Variants in ATP8A2 observed in about 807,000 individuals in gnomAD.
ATP8A2 encodes phospholipid-transporting ATPase IB.
A neutral mutation model predicts 165.6 loss-of-function variants in ATP8A2; 100 were observed. The ratio of observed to expected loss-of-function variants is 0.60; its 90% CI spans 0.51 to 0.71. The LOEUF is 0.71. Among genes scored for constraint, ATP8A2 ranks in the 30% least tolerant of loss-of-function variants. The pLI, the probability that ATP8A2 is intolerant of heterozygous loss-of-function variation, is 0.00. For missense variants in ATP8A2, 1,227 were observed against 1,479.5 expected (o/e 0.83, Z 2.80); for synonymous variants, 543 against 548.8 (o/e 0.99, Z 0.15).
At chr13:25,564,942 T>G (rs991104953) in intron 16 of ATP8A2, among the ~76,000 whole-genome samples, 1 of 152,108 alleles carries the variant, frequency 6.6e-6, no homozygotes. Flanking sequence ...CTCCCACATT[T>G]CAGTGAGAAC....
At chr13:25,398,620 T>C (rs1010834355) in intron 1 of ATP8A2, among the ~76,000 whole-genome samples, 4 of 152,220 alleles carry the variant, frequency 2.6e-5, no homozygotes, top group Admixed American at 1.3e-4. Flanking sequence ...ATACAGTAGA[T>C]GTTAATAAAC....
intron 1 of ATP8A2, among the ~76,000 whole-genome samples, chr13:25,410,141 C>T (rs534871850): frequency 6.6e-6 from 1 of 151,680 alleles, no homozygotes; most frequent in African/African-American, 2.4e-5. Context: ...CACATAAACC[C>T]CATTAGCGTC....
chr13:25,852,919 T>A (rs1220370426), intron 30 of ATP8A2, among the ~76,000 whole-genome samples: 4 of 149,972 alleles, frequency 2.7e-5, no homozygotes, highest in African/African-American at 9.8e-5. Flanking sequence ...AAAAAAAAAA[T>A]TACAGTTTCT....
At chr13:25,713,234 G>GA (rs2043188976) in intron 25 of ATP8A2, among the ~76,000 whole-genome samples, 1 of 152,146 alleles carries the variant, frequency 6.6e-6, no homozygotes, top group South Asian at 2.1e-4. Context: ...TTTCTAACTT[G>GA]AAAGGCATTT....
chr13:25,406,116 C>A (rs2033793174), intron 1 of ATP8A2, among the ~76,000 whole-genome samples: 1 of 152,286 alleles, frequency 6.6e-6, no homozygotes, highest in Non-Finnish European at 1.5e-5. Context: ...TGCAAACTTA[C>A]CCCCAAATTC....
intron 24 of ATP8A2, among the ~76,000 whole-genome samples, chr13:25,609,313 T>C (rs964918486): frequency 6.6e-6 from 1 of 151,684 alleles, no homozygotes; most frequent in Non-Finnish European, 1.5e-5. Flanking sequence ...AAGAACTAAT[T>C]TGAAGCCTAG....
intron 33 of ATP8A2, among the ~76,000 whole-genome samples, chr13:25,897,459 C>A (rs1953593046): frequency 6.7e-6 from 1 of 148,296 alleles, no homozygotes; most frequent in Non-Finnish European, 1.5e-5. Flanking sequence ...TCTGGCTGCC[C>A]TTAACATTTT....
chr13:25,560,700 C>CAAAAAAAAAAAAAAAAAAA (rs748751011), intron 15 of ATP8A2, among the ~76,000 whole-genome samples: 1 of 63,292 alleles, frequency 1.6e-5, no homozygotes, highest in African/African-American at 6.0e-5. Flanking sequence ...ACTCTTGTCT[C>CAAAAAAAAAAAAAAAAAAA]AAAAAAAAAA....
intron 24 of ATP8A2, among the ~76,000 whole-genome samples, chr13:25,683,543 A>G (rs2042538457): frequency 6.6e-6 from 1 of 152,174 alleles, no homozygotes; most frequent in Non-Finnish European, 1.5e-5. Flanking sequence ...TCTCAACTGA[A>G]GTGCCAGGAT....
intron 2 of ATP8A2, among the ~76,000 whole-genome samples, chr13:25,504,421 CTT>C (rs577817952): frequency 0.19 from 24,153 of 123,916 alleles, 2,148 homozygotes; most frequent in South Asian, 0.24. Flanking sequence ...CTTTCCTTTC[CTT>C]TTTTTTTTTT....
At chr13:25,690,593 A>G (rs2042702928) in intron 24 of ATP8A2, among the ~76,000 whole-genome samples, 1 of 152,178 alleles carries the variant, frequency 6.6e-6, no homozygotes, top group Non-Finnish European at 1.5e-5. Context: ...ACCATTGGTT[A>G]TTTGGGAAAT....
chr13:25,636,767 C>T (rs966866068), intron 24 of ATP8A2, among the ~76,000 whole-genome samples: 3 of 151,968 alleles, frequency 2.0e-5, no homozygotes, highest in Non-Finnish European at 4.4e-5. Context: ...TTCTAAACAA[C>T]TTTTGGTTTA....
chr13:25,574,969 A>G (rs1307499266), intron 19 of ATP8A2, 112 bp downstream of exon 19: 1 of 544,360 alleles, frequency 1.8e-6, no homozygotes, highest in Non-Finnish European at 3.2e-6. Context: ...TAAGTATTAA[A>G]TATAATAAAT....
intron 24 of ATP8A2, among the ~76,000 whole-genome samples, chr13:25,679,218 A>G (rs1323376687): frequency 6.6e-6 from 1 of 152,198 alleles, no homozygotes; most frequent in Non-Finnish European, 1.5e-5. Context: ...AATACTGGAA[A>G]TCAAGATGAT....
At chr13:25,737,561 A>G (rs561882962) in intron 25 of ATP8A2, among the ~76,000 whole-genome samples, 2 of 152,158 alleles carry the variant, frequency 1.3e-5, no homozygotes, top group East Asian at 3.9e-4. Context: ...GTGCAGTGGC[A>G]CGATCATGGC....
intron 35 of ATP8A2, among the ~76,000 whole-genome samples, chr13:25,984,274 G>T (rs1414745157): frequency 6.6e-6 from 1 of 151,956 alleles, no homozygotes; most frequent in Non-Finnish European, 1.5e-5. Flanking sequence ...GAAAAGTTTG[G>T]TGTGATGGGA....
rs1005631838 is a variant in ATP8A2, at chr13:25,750,116, A to G, written c.2385-18930A>G. On this transcript the variant is annotated intron_variant, in intron 25 of 36. Transcript: ENST00000381655. The surrounding 1 kb of genome is among the most constrained non-coding windows in gnomAD (Gnocchi z 4.3). ...TTAGAAATCATCTGATTGTCTCAATATTTATTTACTTATTTGTGTCCCTCT... is the reference window on the plus strand; with the variant it reads ...TTAGAAATCATCTGATTGTCTCAATGTTTATTTACTTATTTGTGTCCCTCT... 1.3e-5 allele frequency among the ~76,000 whole-genome samples: 2 copies of G among 152,178 alleles called. No individual in the cohort carries two copies. Among genetic ancestry groups the G allele is most frequent in the African/African-American group, 4.8e-5 (2 of 41,448 alleles).
chr13:25,734,095 G>T (rs971626162), intron 25 of ATP8A2, among the ~76,000 whole-genome samples: 1 of 152,116 alleles, frequency 6.6e-6, no homozygotes, highest in Non-Finnish European at 1.5e-5. Flanking sequence ...ACCATGAAAA[G>T]CTTGCTATGC....
chr13:25,921,614 T>C (rs546825011), intron 33 of ATP8A2, among the ~76,000 whole-genome samples: 3 of 120,186 alleles, frequency 2.5e-5, no homozygotes, highest in African/African-American at 9.5e-5. Flanking sequence ...AGAGCTAGAC[T>C]CTGTCTCAAA....
Sources: gnomAD v4.1 joint callset for allele counts (sites outside exome capture counted in the v4.1 genomes callset) on GRCh38, gnomAD v4.1.1 for gene constraint, Gnocchi (gnomAD v3.1) non-coding constraint, MANE v1.5 for transcripts, NCBI Gene and HGNC (gene_info 2026-07-23, HGNC 2026-07-21) for gene names.